Variants in PDK1 observed in about 807,000 individuals in gnomAD.
PDK1 encodes the protein pyruvate dehydrogenase kinase 1, also known as [Pyruvate dehydrogenase (acetyl-transferring)] kinase isozyme 1, mitochondrial.
In PDK1, 39 loss-of-function variants were observed where a neutral mutation model predicts 54.2. The observed-to-expected ratio is 0.72, with a 90% CI of 0.56 to 0.94. The LOEUF (loss-of-function observed/expected upper bound fraction) is 0.94. Ranked by LOEUF, PDK1 falls within the 40% of genes least tolerant of loss-of-function variation. The pLI is 0.00. For missense variants in PDK1, 552 were observed against 566.0 expected, an observed-to-expected ratio of 0.98 and a Z score of 0.25; for synonymous variants, 221 against 207.1, an observed-to-expected ratio of 1.07 and a Z score of -0.58.
At chr2:172,592,455 T>TTCTC (rs778698828) in intron 9 of PDK1, among the ~76,000 whole-genome samples, 3 of 151,792 alleles carry the variant, frequency 2.0e-5, no homozygotes, top group African/African-American at 4.8e-5. Flanking sequence ...CTTTCTTTCT[T>TTCTC]TCTCTCTGAC....
chr2:172,629,289 C>G, the PDK1 span, among the ~76,000 whole-genome samples: 4 of 152,164 alleles, frequency 2.6e-5, no homozygotes, highest in Non-Finnish European at 5.9e-5. Context: ...TTTTCCTGCC[C>G]GAATGTTGCC....
the PDK1 span, among the ~76,000 whole-genome samples, chr2:172,709,243 T>G: frequency 5.3e-5 from 8 of 152,328 alleles, no homozygotes; most frequent in African/African-American, 1.9e-4. Flanking sequence ...GGACCATCTC[T>G]CCTCACAACT....
chr2:172,634,518 C>CT, the PDK1 span, among the ~76,000 whole-genome samples: 43 of 151,964 alleles, frequency 2.8e-4, no homozygotes, highest in African/African-American at 1.0e-3. Flanking sequence ...AGTGATCTGC[C>CT]TGCCTTGGCC....
the PDK1 span, among the ~76,000 whole-genome samples, chr2:172,685,963 C>T: frequency 1.3e-5 from 2 of 152,306 alleles, no homozygotes; most frequent in South Asian, 4.1e-4. Context: ...TCCTATGCTC[C>T]TGAGAAATCA....
chr2:172,694,766 A>T, the PDK1 span, among the ~76,000 whole-genome samples: 1 of 152,186 alleles, frequency 6.6e-6, no homozygotes, highest in African/African-American at 2.4e-5. Flanking sequence ...TCTTAAATGT[A>T]TACATAGCTC....
chr2:172,700,079 G>T, the PDK1 span, among the ~76,000 whole-genome samples: 12 of 152,308 alleles, frequency 7.9e-5, no homozygotes, highest in South Asian at 2.3e-3. Context: ...TGGGGGCAAG[G>T]CCATAGATTA....
intron 10 of PDK1, among the ~76,000 whole-genome samples, chr2:172,595,360 G>GT (rs1690833241): frequency 6.6e-6 from 1 of 152,062 alleles, no homozygotes; most frequent in African/African-American, 2.4e-5. Flanking sequence ...ATAAGCCACC[G>GT]TGCCTGGCTT....
upstream of PDK1, chr2:172,555,454 G>A (rs1204945793): frequency 1.3e-5 from 2 of 152,188 alleles, no homozygotes; most frequent in African/African-American, 2.4e-5. Context: ...GCCAGTACAT[G>A]GCAGTACATC....
intron 8 of PDK1, among the ~76,000 whole-genome samples, chr2:172,585,022 T>C (rs1023993187): frequency 5.9e-5 from 9 of 151,808 alleles, no homozygotes; most frequent in African/African-American, 1.9e-4. Context: ...TTAGAGACAG[T>C]GGCTCCCTCT....
At chr2:172,699,450 C>G in the PDK1 span, among the ~76,000 whole-genome samples, 1 of 150,126 alleles carries the variant, frequency 6.7e-6, no homozygotes, top group South Asian at 2.1e-4. Context: ...TTTGAAGACA[C>G]CTGATTTTGA....
the PDK1 span, among the ~76,000 whole-genome samples, chr2:172,686,748 T>C: frequency 3.3e-5 from 5 of 152,218 alleles, no homozygotes; most frequent in African/African-American, 1.2e-4. Flanking sequence ...GGTCTGCAGC[T>C]TCATTCTTGA....
chr2:172,632,876 A>T, the PDK1 span, among the ~76,000 whole-genome samples: 1 of 145,322 alleles, frequency 6.9e-6, no homozygotes, highest in African/African-American at 2.5e-5. Context: ...GCTACTCGGG[A>T]GGCTGAGGCA....
At chr2:172,615,429 G>A in the PDK1 span, among the ~76,000 whole-genome samples, 1 of 152,150 alleles carries the variant, frequency 6.6e-6, no homozygotes. Flanking sequence ...TTCAAGACCA[G>A]CCTGACCAAC....
the PDK1 span, among the ~76,000 whole-genome samples, chr2:172,705,475 T>C: frequency 1.3e-5 from 2 of 152,378 alleles, no homozygotes; most frequent in African/African-American, 4.8e-5. Context: ...ATCTTATTAC[T>C]GTCACCTAAG....
chr2:172,701,643 GT>G, the PDK1 span, among the ~76,000 whole-genome samples: 6 of 47,418 alleles, frequency 1.3e-4, no homozygotes, highest in African/African-American at 6.9e-4. Context: ...TTTTTTTTTT[GT>G]TTTGTTTTTT....
chr2:172,683,582 G>A, the PDK1 span, among the ~76,000 whole-genome samples: 1 of 152,186 alleles, frequency 6.6e-6, no homozygotes, highest in Non-Finnish European at 1.5e-5. Flanking sequence ...ATGTTGAATA[G>A]ATACATGGAT....
chr2:172,575,815 C>T (rs1162298476), intron 8 of PDK1, among the ~76,000 whole-genome samples: 1 of 152,144 alleles, frequency 6.6e-6, no homozygotes, highest in Non-Finnish European at 1.5e-5. Flanking sequence ...GATCAAGACT[C>T]TTTGTCTCAA....
rs35773197 is a variant in PDK1, at chr2:172,584,645, C to CTTT, written c.946-1613_946-1611dup. 1.7e-4 allele frequency among the ~76,000 whole-genome samples: 15 copies of CTTT among 90,318 alleles called. No homozygotes were observed. The South Asian group carries it at 3.6e-3, about 22-fold the overall frequency. 59.3% of individuals were successfully genotyped at this position (90,318 alleles called of 152,430 possible). A position where few individuals can be genotyped will look rare whatever the true frequency, so the allele number is the denominator to read the frequency against. On this transcript the variant is annotated intron_variant, in intron 8 of 10. Coordinates refer to ENST00000282077, the MANE Select transcript of PDK1 (RefSeq NM_002610.5). ...GACATTGTTGTGTGAAAGGTACATG[C>CTTT]TTTTTTTTTTTTTTTTTTTTTTAAA...
intron 8 of PDK1, 102 bp from the exon 9 acceptor site, chr2:172,586,172 AAAAG>A: frequency 2.0e-4 from 119 of 607,236 alleles, no homozygotes; most frequent in South Asian, 8.3e-4. Flanking sequence ...AAAAAAAAAA[AAAAG>A]CGCTCTCCCA....
Sources: gnomAD v4.1 joint callset for allele counts (sites outside exome capture counted in the v4.1 genomes callset) on GRCh38, gnomAD v4.1.1 for gene constraint, MANE v1.5 for transcripts, NCBI Gene and HGNC (gene_info 2026-07-23, HGNC 2026-07-21) for gene names.